The following PLD1 variants were observed in gnomAD, a reference collection of about 807,000 sequenced individuals.
The protein encoded by PLD1 is choline phosphatase 1.
A neutral mutation model predicts 137.1 loss-of-function variants in PLD1; 112 were observed. The ratio of observed to expected loss-of-function variants is 0.82; its 90% CI spans 0.70 to 0.96. The LOEUF (loss-of-function observed/expected upper bound fraction) is 0.96. PLD1 is among the 40% of genes least tolerant of loss of function. The pLI is 0.00. For synonymous variants in PLD1, 431 were observed against 454.7 expected, an observed-to-expected ratio of 0.95 and a Z score of 0.66; for missense variants, 1,321 against 1,342.0, an observed-to-expected ratio of 0.98 and a Z score of 0.24.
chr3:171,740,948 T>G (rs891735860), intron 1 of PLD1, among the ~76,000 whole-genome samples: 1 of 152,222 alleles, frequency 6.6e-6, no homozygotes, highest in Non-Finnish European at 1.5e-5. Flanking sequence ...TAAAATCTTA[T>G]GGAGTTGGTT....
chr3:171,614,161 C>A (rs1732902008), intron 24 of PLD1, among the ~76,000 whole-genome samples: 1 of 152,108 alleles, frequency 6.6e-6, no homozygotes, highest in South Asian at 2.1e-4. Context: ...TGAGTGTTTC[C>A]CCATGGTGGC....
chr3:171,758,327 T>C (rs1721169350), intron 1 of PLD1, among the ~76,000 whole-genome samples: 1 of 152,214 alleles, frequency 6.6e-6, no homozygotes, highest in African/African-American at 2.4e-5. Flanking sequence ...TTAATCAATG[T>C]GCACTGCCCC....
chr3:171,802,479 C>A (rs1461234501), intron 1 of PLD1, among the ~76,000 whole-genome samples: 1 of 152,086 alleles, frequency 6.6e-6, no homozygotes, highest in Non-Finnish European at 1.5e-5. Flanking sequence ...GGAAGCCATG[C>A]AAAGACTTAG....
chr3:171,642,831 GTTAC>G lies in PLD1; in HGVS notation c.2593+5_2593+8del, dbSNP rs1735880241. 3 of 1,530,354 alleles carry G rather than the reference GTTAC, an allele frequency of 2.0e-6. No homozygotes were observed. Among genetic ancestry groups the G allele is most frequent in the Non-Finnish European group, 2.7e-6 (3 of 1,118,946 alleles). The allele number at this position is 1,530,354 out of a possible 1,614,324, so 94.8% of individuals were successfully genotyped here. On this transcript the variant is annotated splice_donor_5th_base_variant and intron_variant, in intron 23 of 26. Coordinates refer to ENST00000351298, the MANE Select transcript of PLD1 (RefSeq NM_002662.5). ...AAACAATGATATGAGAAAAAAAGCAGTTACTTACGCTCTGCTTTTAACTGTCCAA... is the reference window on the plus strand; with the variant it reads ...AAACAATGATATGAGAAAAAAAGCAGTTACGCTCTGCTTTTAACTGTCCAA...
chr3:171,755,379 TC>T (rs1238521787), intron 1 of PLD1, among the ~76,000 whole-genome samples: 1 of 152,116 alleles, frequency 6.6e-6, no homozygotes, highest in Non-Finnish European at 1.5e-5. Context: ...GAAGGACACT[TC>T]CCCATTCTTA....
chr3:171,704,012 T>C (rs571152944), intron 11 of PLD1, among the ~76,000 whole-genome samples: 5 of 152,324 alleles, frequency 3.3e-5, no homozygotes, highest in African/African-American at 7.2e-5. Context: ...CCCATCTTTC[T>C]GGCTAGAAGA....
At chr3:171,713,766 G>A in intron 9 of PLD1, 127 bp downstream of exon 9, 1 of 754,704 alleles carries the variant, frequency 1.3e-6, no homozygotes, top group Non-Finnish European at 2.2e-6. Flanking sequence ...CATTACTATT[G>A]ATTGAGGATG....
chr3:171,648,331 T>C (rs182393413), intron 21 of PLD1, among the ~76,000 whole-genome samples: 1 of 152,204 alleles, frequency 6.6e-6, no homozygotes, highest in Admixed American at 6.5e-5. Flanking sequence ...ATGTAAGAGG[T>C]AGATGATTAT....
chr3:171,742,611 C>T (rs971948065), intron 1 of PLD1, among the ~76,000 whole-genome samples: 1 of 151,978 alleles, frequency 6.6e-6, no homozygotes, highest in Non-Finnish European at 1.5e-5. Context: ...ATAGTTTAAA[C>T]CCAAACTGAG....
chr3:171,636,789 C>G (rs532584441), intron 23 of PLD1, among the ~76,000 whole-genome samples: 43 of 152,086 alleles, frequency 2.8e-4, no homozygotes, highest in African/African-American at 1.0e-3. Context: ...TGGCTAAAAC[C>G]TCCAGTACGA....
At chr3:171,790,209 G>A (rs1723161437) in intron 1 of PLD1, among the ~76,000 whole-genome samples, 2 of 152,210 alleles carry the variant, frequency 1.3e-5, no homozygotes, top group Non-Finnish European at 2.9e-5. Context: ...CCAAGCTTCA[G>A]CTCCACTCAC....
At chr3:171,682,299 A>G (rs1160805446) in intron 16 of PLD1, among the ~76,000 whole-genome samples, 3 of 152,210 alleles carry the variant, frequency 2.0e-5, no homozygotes, top group African/African-American at 7.2e-5. Context: ...TTTGAAAAAC[A>G]TATATTTCAG....
At chr3:171,758,308 C>A (rs1015066823) in intron 1 of PLD1, among the ~76,000 whole-genome samples, 1 of 152,106 alleles carries the variant, frequency 6.6e-6, no homozygotes, top group African/African-American at 2.4e-5. Flanking sequence ...GACCGCAGGG[C>A]CCAATTTCTT....
At chr3:171,727,078 T>G (rs1718574276) in intron 6 of PLD1, among the ~76,000 whole-genome samples, 1 of 152,212 alleles carries the variant, frequency 6.6e-6, no homozygotes, top group South Asian at 2.1e-4. Context: ...TAATCTAATT[T>G]TATGTGTCAC....
chr3:171,755,236 TAAGA>T (rs1402547125), intron 1 of PLD1, among the ~76,000 whole-genome samples: 2 of 152,126 alleles, frequency 1.3e-5, no homozygotes, highest in Admixed American at 1.3e-4. Flanking sequence ...GTCAACTTCC[TAAGA>T]AAGTTGTCTA....
chr3:171,762,573 G>T (rs1323061692), intron 1 of PLD1, among the ~76,000 whole-genome samples: 1 of 152,168 alleles, frequency 6.6e-6, no homozygotes, highest in Non-Finnish European at 1.5e-5. Flanking sequence ...TCTGGGCATT[G>T]GGGAAGGTTG....
At chr3:171,738,302 AG>A (rs1444371184) in intron 1 of PLD1, among the ~76,000 whole-genome samples, 1 of 151,526 alleles carries the variant, frequency 6.6e-6, no homozygotes, top group Non-Finnish European at 1.5e-5. Flanking sequence ...TGAAAACAAG[AG>A]AAAAAAAAAA....
At chr3:171,759,827 T>A (rs1721274498) in intron 1 of PLD1, among the ~76,000 whole-genome samples, 1 of 152,258 alleles carries the variant, frequency 6.6e-6, no homozygotes. Context: ...AATTAGCTTG[T>A]CTGGCCACTT....
At chr3:171,703,424 T>A (rs1379605374) in intron 11 of PLD1, among the ~76,000 whole-genome samples, 1 of 152,204 alleles carries the variant, frequency 6.6e-6, no homozygotes, top group Non-Finnish European at 1.5e-5. Context: ...CATAATCATC[T>A]ATAGGACAAC....
Sources: allele counts gnomAD v4.1 joint callset (sites outside exome capture counted in the v4.1 genomes callset), GRCh38; gene constraint gnomAD v4.1.1; transcripts MANE v1.5; gene names NCBI Gene and HGNC (gene_info 2026-07-23, HGNC 2026-07-21).